CAPRIN2: variants seen among roughly 807,000 people sequenced by gnomAD.
CAPRIN2 encodes caprin-2.
Under a neutral mutation model 130.4 loss-of-function variants are expected in CAPRIN2, and 66 were observed. The observed-to-expected ratio is 0.51, with a 90% confidence interval of 0.42 to 0.62. The LOEUF is 0.62. Among genes scored for constraint, CAPRIN2 ranks in the 20% least tolerant of loss-of-function variants. The pLI is 0.00. For missense variants in CAPRIN2, 1,185 were observed against 1,246.6 expected (o/e 0.95, Z 0.74); for synonymous variants, 471 against 444.1 (o/e 1.06, Z -0.76).
chr12:30,732,661 G>A (rs1242236490), intron 5 of CAPRIN2, among the ~76,000 whole-genome samples: 1 of 151,794 alleles, frequency 6.6e-6, no homozygotes, highest in Non-Finnish European at 1.5e-5. Flanking sequence ...TTTTATGTCT[G>A]GCTTCTTTCA....
intron 2 of CAPRIN2, among the ~76,000 whole-genome samples, chr12:30,749,969 C>T (rs933799538): frequency 6.6e-6 from 1 of 152,134 alleles, no homozygotes; most frequent in Non-Finnish European, 1.5e-5. Context: ...CCCCTCTCCC[C>T]GATGTTTCTT....
At chr12:30,716,351 C>T (rs1024174936) in intron 13 of CAPRIN2, 157 bp downstream of exon 15, 9 of 618,466 alleles carry the variant, frequency 1.5e-5, no homozygotes, top group Middle Eastern at 4.2e-4. Context: ...CAAAAAAGGG[C>T]ATTAGGTTTT....
chr12:30,727,014 C>T (rs2061143514), intron 8 of CAPRIN2, among the ~76,000 whole-genome samples: 1 of 152,102 alleles, frequency 6.6e-6, no homozygotes, highest in Non-Finnish European at 1.5e-5. Flanking sequence ...CGCTATCTGT[C>T]CCACAAAAGC....
intron 14 of CAPRIN2, 82 bp downstream of exon 16, chr12:30,714,876 GC>G: frequency 8.9e-7 from 1 of 1,123,754 alleles, no homozygotes; most frequent in Non-Finnish European, 1.3e-6. Flanking sequence ...ACAAAAGGGA[GC>G]AAGGTTAGGT....
At chr12:30,720,975 T>G in intron 11 of CAPRIN2, 60 bp from the exon 13 acceptor site, 1 of 1,220,740 alleles carries the variant, frequency 8.2e-7, no homozygotes. Flanking sequence ...TTATATTTCT[T>G]GGGCCCTGGC....
chr12:30,709,807 T>C, exon 17 of CAPRIN2: 1 of 1,415,396 alleles, frequency 7.1e-7, no homozygotes, highest in South Asian at 1.5e-5. Context: ...CAAAAACATT[T>C]TCCTAAACCA....
In CAPRIN2 at chr12:30,741,011, C is replaced by G. The variant is rs1373992770; in HGVS notation, c.570+9G>C. On this transcript the variant is annotated intron_variant, in intron 3 of 16. Coordinates refer to ENST00000298892, the Ensembl canonical transcript of CAPRIN2. ...CTGGTTTCAGGAAAAGCAAAGAAAA[C>G]ATACTCACATCTAGGCTCAACCCAG... 6.3e-7 allele frequency: 1 copy of G among 1,577,180 alleles called. No homozygotes were observed. The highest frequency in any genetic ancestry group is 8.7e-7 in the Non-Finnish European group (1 of 1,153,100).
Position 30,753,552 on chromosome 12 carries a change from G to A in CAPRIN2, c.212C>T (p.Ser71Leu), listed in dbSNP as rs78475457. ...CTCTCTTTCCTCCTCTGAATGGCCT[G>A]AAGGTGACTGGTAACCAAAAGGGGA... is the stretch of plus-strand genomic sequence containing the variant. The change falls in exon 1 of 17, where the codon TCA becomes TTA. Residue 71 changes from serine (S) to leucine (L), a missense_variant. By Grantham distance (145) the Ser-to-Leu change is moderately radical. Coordinates refer to ENST00000298892, the Ensembl canonical transcript of CAPRIN2. 6.7e-4 allele frequency: 1,088 copies of A among 1,614,130 alleles called. 1 individual carries two copies. Among genetic ancestry groups the A allele is most frequent in the Non-Finnish European group, 8.2e-4 (962 of 1,180,024 alleles).
rs138728082 is a variant in CAPRIN2 at position 30,742,423 on chromosome 12, C to G, written c.484-1317G>C. ...CCTACAGCCTAATGATAGATATGTA[C>G]CCTGAAAAAAAATCTTACTCCTGAT... is the stretch of plus-strand genomic sequence containing the variant. On this transcript the variant is annotated intron_variant, in intron 2 of 16. Transcript: ENST00000298892. Among the ~76,000 whole-genome samples, 27 of 151,694 alleles carry G rather than the reference C, an allele frequency of 1.8e-4. 1 individual carries two copies. The highest frequency in any genetic ancestry group is 6.2e-4 in the South Asian group (3 of 4,816).
At chr12:30,730,844 T>C (rs2137967214) in intron 6 of CAPRIN2, among the ~76,000 whole-genome samples, 1 of 152,366 alleles carries the variant, frequency 6.6e-6, no homozygotes, top group Admixed American at 6.5e-5. Flanking sequence ...AATCCAACTT[T>C]GGTAAACAAA....
intron 15 of CAPRIN2, among the ~76,000 whole-genome samples, chr12:30,713,258 T>A (rs2055923797): frequency 1.3e-5 from 2 of 152,328 alleles, no homozygotes; most frequent in African/African-American, 2.4e-5. Flanking sequence ...ATTTCTAACA[T>A]CCTCTTATGA....
rs184106436 is a variant in CAPRIN2, at chr12:30,747,997, A to T, written c.483+3074T>A. 2.8e-4 allele frequency among the ~76,000 whole-genome samples: 43 copies of T among 152,374 alleles called. 1 individual carries two copies. The East Asian group carries it at 8.1e-3, about 29-fold the overall frequency. ...CCTGAAGATATGACTAACTGCTGCA[A>T]TCTCAGGATAAACTTTTAATAGATG... On this transcript the variant is annotated intron_variant, in intron 2 of 16. Coordinates refer to ENST00000298892, the Ensembl canonical transcript of CAPRIN2.
chr12:30,747,366 G>A (rs999421414), intron 2 of CAPRIN2, among the ~76,000 whole-genome samples: 1 of 152,082 alleles, frequency 6.6e-6, no homozygotes, highest in Non-Finnish European at 1.5e-5. Context: ...GAGTAATTTT[G>A]ACTTTCACGT....
At chr12:30,738,621 AC>A (rs1209063184) in intron 3 of CAPRIN2, among the ~76,000 whole-genome samples, 1 of 152,208 alleles carries the variant, frequency 6.6e-6, no homozygotes, top group African/African-American at 2.4e-5. Flanking sequence ...TAAACAGACA[AC>A]CTACAGAATG....
chr12:30,754,772 C>G (rs1198591753), upstream of CAPRIN2: 7 of 153,170 alleles, frequency 4.6e-5, no homozygotes, highest in African/African-American at 1.7e-4. Context: ...GCCGAGGCCG[C>G]CGCTGCCGCA....
At chr12:30,732,533 A>AC (rs1212599717) in intron 5 of CAPRIN2, among the ~76,000 whole-genome samples, 2 of 152,044 alleles carry the variant, frequency 1.3e-5, no homozygotes, top group African/African-American at 4.8e-5. Context: ...AAAATTCCTT[A>AC]CTACCCCTTT....
rs145522420 is a variant in CAPRIN2 at position 30,745,542 on chromosome 12, A to G, written c.484-4436T>C. On this transcript the variant is annotated intron_variant, in intron 2 of 16. Transcript: ENST00000298892. ...CATTACAAGTTTTATTTACATTATTATAAGTACCTGTTGGGTTAAAGAAGA... is the reference window on the plus strand; with the variant it reads ...CATTACAAGTTTTATTTACATTATTGTAAGTACCTGTTGGGTTAAAGAAGA... Among the ~76,000 whole-genome samples, 507 of 152,270 alleles carry G rather than the reference A, an allele frequency of 3.3e-3. 8 individuals are homozygous for G. The highest frequency in any genetic ancestry group is 0.011 in the African/African-American group (459 of 41,574).
At chr12:30,752,076 G>A (rs1477997675) in intron 1 of CAPRIN2, among the ~76,000 whole-genome samples, 4 of 151,706 alleles carry the variant, frequency 2.6e-5, no homozygotes, top group African/African-American at 4.8e-5. Context: ...CCCCCACCAC[G>A]CCTGGCTAAT....
intron 12 of CAPRIN2, 142 bp downstream of exon 14, chr12:30,718,937 A>C: frequency 2.3e-6 from 2 of 884,628 alleles, no homozygotes; most frequent in Non-Finnish European, 3.4e-6. Context: ...AAGTACTGCC[A>C]TTGGCCAAAT....
Sources: gnomAD v4.1 joint callset for allele counts (sites outside exome capture counted in the v4.1 genomes callset) on GRCh38, gnomAD v4.1.1 for gene constraint, MANE v1.5 for transcripts, NCBI Gene and HGNC (gene_info 2026-07-23, HGNC 2026-07-21) for gene names.